H4C6: variants seen among roughly 807,000 people sequenced by gnomAD.
H4C6 encodes H4 clustered histone 6, also known as histone H4.
In H4C6, 8 loss-of-function variants were observed where a neutral mutation model predicts 5.7. The observed-to-expected ratio is 1.41, with a 90% CI of 0.82 to 2.54. The LOEUF (loss-of-function observed/expected upper bound fraction) is 2.54. H4C6 is among the 30% of genes most tolerant of loss of function. H4C6 has a pLI of 0.00. For synonymous variants in H4C6, 124 were observed against 57.0 expected (o/e 2.18, Z -5.30); for missense variants, 230 against 145.9 (o/e 1.58, Z -2.97).
chr6:26,240,511 G>T lies in H4C6; in HGVS notation c.86G>T (p.Gly29Val), dbSNP rs372407099. 3.7e-6 allele frequency: 6 copies of T among 1,613,884 alleles called. No homozygotes were observed. The highest frequency in any genetic ancestry group is 5.1e-6 in the Non-Finnish European group (6 of 1,179,756). The change falls in exon 1 of 1, where the codon GGC (glycine) becomes GTC (valine). Residue 29 changes from glycine to valine, a missense_variant. Coordinates refer to ENST00000244537, the MANE Select transcript of H4C6 (RefSeq NM_003540.4). ...AAAGTGCTGCGTGACAACATACAGG[G>T]CATCACGAAGCCCGCCATCCGTCGC... is the stretch of plus-strand genomic sequence containing the variant. ...HRKVLRDNIQ[G>V]ITKPAIRRLA...
At position 26,240,713 on chromosome 6, in the gene H4C6, C is replaced by T; in HGVS notation, c.288C>T (p.Arg96=). 6.3e-7 allele frequency: 1 copy of T among 1,599,782 alleles called. No individual in the cohort carries two copies. The highest frequency in any genetic ancestry group is 8.5e-7 in the Non-Finnish European group (1 of 1,171,712). Residue 96 remains arginine (R), a synonymous_variant, in exon 1 of 1, where the codon CGC becomes CGT. Transcript: ENST00000244537. ...DVVYALKRQG[R]TLYGFGG ...TCTACGCGCTCAAGCGCCAGGGACGCACTCTGTACGGCTTTGGTGGCTGAG... is the reference window on the plus strand; with the variant it reads ...TCTACGCGCTCAAGCGCCAGGGACGTACTCTGTACGGCTTTGGTGGCTGAG...
chr6:26,240,627 C>G lies in H4C6; in HGVS notation c.202C>G (p.Arg68Gly). Residue 68 changes from arginine (R) to glycine (G), a missense_variant, in exon 1 of 1, where the codon CGG becomes GGG. Coordinates refer to ENST00000244537, the MANE Select transcript of H4C6 (RefSeq NM_003540.4). ...VLKVFLENVI[R>G]DAVTYTEHAK... Reference sequence around the variant, plus strand: ...TAAGGTGTTCCTGGAGAATGTGATACGGGACGCCGTAACCTACACGGAGCA... The same window carrying G: ...TAAGGTGTTCCTGGAGAATGTGATAGGGGACGCCGTAACCTACACGGAGCA... 6.2e-7 allele frequency: 1 copy of G among 1,613,874 alleles called. No homozygotes were observed. Among genetic ancestry groups the G allele is most frequent in the South Asian group, 1.1e-5 (1 of 91,054 alleles).
chr6:26,240,611 C>T lies in H4C6; in HGVS notation c.186C>T (p.Phe62=), dbSNP rs746207363. The part of the protein sequence containing the change: ...YEETRGVLKV[F]LENVIRDAVT... The stretch of plus-strand genomic sequence containing the variant: ...AGACCCGCGGTGTTCTTAAGGTGTT[C>T]CTGGAGAATGTGATACGGGACGCCG... Residue 62 remains phenylalanine (F), a synonymous_variant, in exon 1 of 1, where the codon TTC becomes TTT. Coordinates refer to ENST00000244537, the MANE Select transcript of H4C6 (RefSeq NM_003540.4). 2.5e-6 allele frequency: 4 copies of T among 1,614,196 alleles called. No individual in the cohort carries two copies. The highest frequency in any genetic ancestry group is 2.2e-5 in the East Asian group (1 of 44,874).
rs866041115 is a variant in H4C6 at position 26,240,525 on chromosome 6, G to T, written c.100G>T (p.Ala34Ser). The T allele has an allele frequency of 6.2e-7, 1 of 1,613,982 alleles. No individual in the cohort carries two copies. Among genetic ancestry groups the T allele is most frequent in the Non-Finnish European group, 8.5e-7 (1 of 1,179,822 alleles). The change falls in exon 1 of 1, where the codon GCC (alanine) becomes TCC (serine). Residue 34 changes from alanine to serine, a missense_variant. By Grantham distance (99) the Ala-to-Ser change is moderately conservative (BLOSUM62 1). Coordinates refer to ENST00000244537, the MANE Select transcript of H4C6 (RefSeq NM_003540.4). ...CAACATACAGGGCATCACGAAGCCC[G>T]CCATCCGTCGCTTGGCCCGACGCGG... ...RDNIQGITKPAIRRLARRGGV... is the reference protein window; with the variant it reads ...RDNIQGITKPSIRRLARRGGV...
rs374666858 is a variant in H4C6 at position 26,240,676 on chromosome 6, C to T, written c.251C>T (p.Ala84Val). ...CACGCCAAGCGTAAGACAGTCACTG[C>T]AATGGATGTTGTCTACGCGCTCAAG... is the stretch of plus-strand genomic sequence containing the variant. ...TEHAKRKTVT[A>V]MDVVYALKRQ... Residue 84 changes from alanine (A) to valine (V), a missense_variant, in exon 1 of 1, where the codon GCA becomes GTA. Ala to Val is a moderately conservative substitution (Grantham distance 64). Transcript: ENST00000244537. The T allele has an allele frequency of 2.5e-5, 40 of 1,611,376 alleles. No individual in the cohort carries two copies. Among genetic ancestry groups the T allele is most frequent in the Non-Finnish European group, 3.2e-5 (38 of 1,178,298 alleles).
rs773988890 is a variant in H4C6 at position 26,240,515 on chromosome 6, C to T, written c.90C>T (p.Ile30=). ...RKVLRDNIQG[I]TKPAIRRLAR... Reference sequence around the variant, plus strand: ...TGCTGCGTGACAACATACAGGGCATCACGAAGCCCGCCATCCGTCGCTTGG... The same window carrying T: ...TGCTGCGTGACAACATACAGGGCATTACGAAGCCCGCCATCCGTCGCTTGG... The change falls in exon 1 of 1, where the codon ATC becomes ATT. Residue 30 remains isoleucine (I), a synonymous_variant. Transcript: ENST00000244537. 1 of 1,613,938 alleles carries T rather than the reference C, an allele frequency of 6.2e-7. No homozygotes were observed. Among genetic ancestry groups the T allele is most frequent in the Non-Finnish European group, 8.5e-7 (1 of 1,179,802 alleles).
Position 26,240,575 on chromosome 6 carries a change from CATTT to C in H4C6, c.153_156del (p.Ile51MetfsTer15), listed in dbSNP as rs768594635. ...GCGGCGTGAAACGCATTTCGGGCCT[CATTT>C]ATGAGGAGACCCGCGGTGTTCTTAA... On this transcript the variant is annotated frameshift_variant, in exon 1 of 1. Coordinates refer to ENST00000244537, the MANE Select transcript of H4C6 (RefSeq NM_003540.4). LOFTEE classifies it high-confidence loss of function. 1 of 1,614,216 alleles carries C rather than the reference CATTT, an allele frequency of 6.2e-7. No homozygotes were observed. The highest frequency in any genetic ancestry group is 8.5e-7 in the Non-Finnish European group (1 of 1,180,024).
At position 26,240,781 on chromosome 6, in the gene H4C6, C is replaced by T. The variant is rs893166943; in HGVS notation, c.*44C>T. On this transcript the variant is annotated 3_prime_UTR_variant, in exon 1 of 1. Coordinates refer to ENST00000244537, the MANE Select transcript of H4C6 (RefSeq NM_003540.4). Reference sequence around the variant, plus strand: ...ATTTAACAGCTCACCCATAAAAGGCCCTTTTCAGGGCCACCTCCTTCGTCA... The same window carrying T: ...ATTTAACAGCTCACCCATAAAAGGCTCTTTTCAGGGCCACCTCCTTCGTCA... 23 of 1,492,108 alleles carry T rather than the reference C, an allele frequency of 1.5e-5. No homozygotes were observed. Among genetic ancestry groups the T allele is most frequent in the Non-Finnish European group, 2.0e-5 (22 of 1,109,888 alleles). The allele number at this position is 1,492,108 out of a possible 1,614,324, so 92.4% of individuals were successfully genotyped here. A position where few individuals can be genotyped will look rare whatever the true frequency, so the allele number is the denominator to read the frequency against.
rs115414626 is a variant in H4C6, at chr6:26,240,671, C to T, written c.246C>T (p.Val82=). 533 of 1,612,128 alleles carry T rather than the reference C, an allele frequency of 3.3e-4. 4 individuals carry two copies. The African/African-American group carries it at 5.6e-3, about 17-fold the overall frequency. Residue 82 remains valine, a synonymous_variant, in exon 1 of 1, where the codon GTC becomes GTT. Transcript: ENST00000244537. ...CGGAGCACGCCAAGCGTAAGACAGTCACTGCAATGGATGTTGTCTACGCGC... is the reference window on the plus strand; with the variant it reads ...CGGAGCACGCCAAGCGTAAGACAGTTACTGCAATGGATGTTGTCTACGCGC... ...TYTEHAKRKT[V]TAMDVVYALK...
chr6:26,240,779 G>A lies in H4C6; in HGVS notation c.*42G>A, dbSNP rs1267898015. On this transcript the variant is annotated 3_prime_UTR_variant, in exon 1 of 1. Transcript: ENST00000244537. ...TTATTTAACAGCTCACCCATAAAAG[G>A]CCCTTTTCAGGGCCACCTCCTTCGT... is the stretch of plus-strand genomic sequence containing the variant. 6 of 1,498,094 alleles carry A rather than the reference G, an allele frequency of 4.0e-6. No individual in the cohort carries two copies. Among genetic ancestry groups the A allele is most frequent in the East Asian group, 2.3e-5 (1 of 43,514 alleles). 92.8% of individuals were successfully genotyped at this position (1,498,094 alleles called of 1,614,324 possible).
Position 26,240,745 on chromosome 6 carries a change from C to A in H4C6, c.*8C>A, listed in dbSNP as rs371555136. The A allele has an allele frequency of 1.7e-5, 26 of 1,545,892 alleles. No individual in the cohort carries two copies. In the Admixed American group the frequency reaches 4.3e-4, roughly 26 times the overall value. ...TACGGCTTTGGTGGCTGAGCCTCAC[C>A]CCGGCTTTTTATTTAACAGCTCACC... On this transcript the variant is annotated 3_prime_UTR_variant, in exon 1 of 1. Transcript: ENST00000244537.
At position 26,240,419 on chromosome 6, in the gene H4C6, T is replaced by A; in HGVS notation, c.-7T>A. On this transcript the variant is annotated 5_prime_UTR_variant, in exon 1 of 1. Transcript: ENST00000244537. ...CAAAAGTTAAGAGTTGTTGTTTGTC[T>A]TCGATCATGTCTGGTAGAGGCAAAG... is the stretch of plus-strand genomic sequence containing the variant. The A allele has an allele frequency of 6.5e-7, 1 of 1,537,350 alleles. No homozygotes were observed. Among genetic ancestry groups the A allele is most frequent in the Non-Finnish European group, 8.8e-7 (1 of 1,139,216 alleles).
In H4C6 at chr6:26,240,393, G is replaced by A. The variant is rs776893140; in HGVS notation, c.-33G>A. 61 of 1,511,798 alleles carry A rather than the reference G, an allele frequency of 4.0e-5. No individual in the cohort carries two copies. The highest frequency in any genetic ancestry group is 1.8e-4 in the Middle Eastern group (1 of 5,596). The allele number at this position is 1,511,798 out of a possible 1,614,324, so 93.6% of individuals were successfully genotyped here. A position where few individuals can be genotyped will look rare whatever the true frequency, so the allele number is the denominator to read the frequency against. On this transcript the variant is annotated 5_prime_UTR_variant, in exon 1 of 1. Transcript: ENST00000244537. The stretch of plus-strand genomic sequence containing the variant: ...AGGGGCTTCAGTGTGTAGCAAAGTT[G>A]CAAAAGTTAAGAGTTGTTGTTTGTC...
chr6:26,240,748 G>C lies in H4C6; in HGVS notation c.*11G>C. On this transcript the variant is annotated 3_prime_UTR_variant, in exon 1 of 1. Coordinates refer to ENST00000244537, the MANE Select transcript of H4C6 (RefSeq NM_003540.4). The stretch of plus-strand genomic sequence containing the variant: ...GGCTTTGGTGGCTGAGCCTCACCCC[G>C]GCTTTTTATTTAACAGCTCACCCAT... The C allele has an allele frequency of 1.3e-6, 2 of 1,544,454 alleles. No homozygotes were observed. The highest frequency in any genetic ancestry group is 8.7e-7 in the Non-Finnish European group (1 of 1,144,162).
Position 26,240,411 on chromosome 6 carries a change from T to G in H4C6, c.-15T>G, listed in dbSNP as rs753416127. The G allele has an allele frequency of 2.0e-6, 3 of 1,530,194 alleles. No individual in the cohort carries two copies. Among genetic ancestry groups the G allele is most frequent in the Non-Finnish European group, 2.6e-6 (3 of 1,136,122 alleles). 94.8% of individuals were successfully genotyped at this position (1,530,194 alleles called of 1,614,324 possible). ...CAAAGTTGCAAAAGTTAAGAGTTGT[T>G]GTTTGTCTTCGATCATGTCTGGTAG... is the stretch of plus-strand genomic sequence containing the variant. On this transcript the variant is annotated 5_prime_UTR_variant, in exon 1 of 1. Coordinates refer to ENST00000244537, the MANE Select transcript of H4C6 (RefSeq NM_003540.4).
chr6:26,240,534 C>T lies in H4C6; in HGVS notation c.109C>T (p.Arg37Cys). 1 of 1,614,128 alleles carries T rather than the reference C, an allele frequency of 6.2e-7. No homozygotes were observed. The highest frequency in any genetic ancestry group is 8.5e-7 in the Non-Finnish European group (1 of 1,179,918). ...GGGCATCACGAAGCCCGCCATCCGT[C>T]GCTTGGCCCGACGCGGCGGCGTGAA... ...IQGITKPAIR[R>C]LARRGGVKRI... is the part of the protein sequence containing the mutation. Residue 37 changes from arginine (R) to cysteine (C), a missense_variant, in exon 1 of 1, where the codon CGC becomes TGC. Arg to Cys is a radical substitution (Grantham distance 180, BLOSUM62 -3). Transcript: ENST00000244537.
Position 26,240,593 on chromosome 6 carries a change from C to T in H4C6, c.168C>T (p.Arg56=), listed in dbSNP as rs752797122. 3.1e-6 allele frequency: 5 copies of T among 1,614,208 alleles called. No individual in the cohort carries two copies. The highest frequency in any genetic ancestry group is 1.7e-5 in the Admixed American group (1 of 60,034). Residue 56 remains arginine (R), a synonymous_variant, in exon 1 of 1, where the codon CGC becomes CGT. Coordinates refer to ENST00000244537, the MANE Select transcript of H4C6 (RefSeq NM_003540.4). The part of the protein sequence containing the change: ...RISGLIYEET[R]GVLKVFLENV... Reference sequence around the variant, plus strand: ...CGGGCCTCATTTATGAGGAGACCCGCGGTGTTCTTAAGGTGTTCCTGGAGA... The same window carrying T: ...CGGGCCTCATTTATGAGGAGACCCGTGGTGTTCTTAAGGTGTTCCTGGAGA...
Position 26,240,465 on chromosome 6 carries a change from G to A in H4C6, c.40G>A (p.Gly14Arg), listed in dbSNP as rs553467114. The A allele has an allele frequency of 6.9e-6, 11 of 1,594,818 alleles. No individual in the cohort carries two copies. Among genetic ancestry groups the A allele is most frequent in the East Asian group, 4.5e-5 (2 of 44,504 alleles). ...CAAAGGTGGTAAAGGTTTAGGAAAG[G>A]GAGGCGCCAAGCGCCATCGCAAAGT... ...RGKGGKGLGK[G>R]GAKRHRKVLR... The change falls in exon 1 of 1, where the codon GGA becomes AGA. Residue 14 changes from glycine (G) to arginine (R), a missense_variant. Coordinates refer to ENST00000244537, the MANE Select transcript of H4C6 (RefSeq NM_003540.4).
At position 26,240,739 on chromosome 6, in the gene H4C6, C is replaced by T. The variant is rs180872870; in HGVS notation, c.*2C>T. The T allele has an allele frequency of 1.3e-5, 20 of 1,553,644 alleles. No individual in the cohort carries two copies. The East Asian group carries it at 1.6e-4, about 12-fold the overall frequency. ...ACTCTGTACGGCTTTGGTGGCTGAGCCTCACCCCGGCTTTTTATTTAACAG... is the reference window on the plus strand; with the variant it reads ...ACTCTGTACGGCTTTGGTGGCTGAGTCTCACCCCGGCTTTTTATTTAACAG... On this transcript the variant is annotated 3_prime_UTR_variant, in exon 1 of 1. Transcript: ENST00000244537.
Sources: allele counts gnomAD v4.1 joint callset, GRCh38; gene constraint gnomAD v4.1.1; transcripts MANE v1.5; gene names NCBI Gene and HGNC (gene_info 2026-07-23, HGNC 2026-07-21).